The following VOPP1 variants were observed in gnomAD, a reference collection of about 807,000 sequenced individuals.
VOPP1 encodes the protein VOPP1 WW domain binding protein, also known as WW domain binding protein VOPP1.
In VOPP1, 8 loss-of-function variants were observed where a neutral mutation model predicts 23.5. That is an observed-to-expected ratio of 0.34 (90% CI 0.20 to 0.61). The LOEUF (loss-of-function observed/expected upper bound fraction) is 0.61. VOPP1 is among the 20% of genes least tolerant of loss of function. The pLI, the probability that VOPP1 is intolerant of heterozygous loss-of-function variation, is 0.78. For missense variants in VOPP1, 174 were observed against 238.1 expected, an observed-to-expected ratio of 0.73 and a Z score of 1.77; for synonymous variants, 83 against 97.3, an observed-to-expected ratio of 0.85 and a Z score of 0.86.
intron 1 of VOPP1, chr7:55,521,553 A>T (rs1432170194): frequency 1.4e-5 from 14 of 995,506 alleles, no homozygotes; most frequent in Non-Finnish European, 1.7e-5. Context: ...TATATTTCAG[A>T]ATATGCTAAA....
chr7:55,559,050 TAA>T (rs1797899605), intron 1 of VOPP1, among the ~76,000 whole-genome samples: 1 of 152,188 alleles, frequency 6.6e-6, no homozygotes, highest in Non-Finnish European at 1.5e-5. Flanking sequence ...GAGCTATATA[TAA>T]GTCACTAAGT....
intron 4 of VOPP1, among the ~76,000 whole-genome samples, chr7:55,452,589 G>A (rs1791270820): frequency 6.6e-6 from 1 of 152,316 alleles, no homozygotes; most frequent in Middle Eastern, 3.4e-3. Context: ...AATAAGACTT[G>A]AAAGTCAAAA....
intron 4 of VOPP1, among the ~76,000 whole-genome samples, chr7:55,474,219 A>G (rs1484718511): frequency 1.3e-5 from 2 of 152,214 alleles, no homozygotes; most frequent in Non-Finnish European, 2.9e-5. Context: ...GGTCCCACAG[A>G]TGCCACCTGC....
chr7:55,488,660 C>G (rs543601547), intron 4 of VOPP1, among the ~76,000 whole-genome samples: 1 of 152,264 alleles, frequency 6.6e-6, no homozygotes, highest in South Asian at 2.1e-4. Context: ...CCCCCTACAC[C>G]CCAGAATATG....
intron 4 of VOPP1, among the ~76,000 whole-genome samples, chr7:55,478,712 T>C (rs183690212): frequency 6.6e-6 from 1 of 152,336 alleles, no homozygotes; most frequent in East Asian, 1.9e-4. Context: ...GACCTCAGGG[T>C]CCCATGACAT....
chr7:55,454,898 G>C (rs992455165), intron 4 of VOPP1, among the ~76,000 whole-genome samples: 2 of 152,306 alleles, frequency 1.3e-5, no homozygotes, highest in Non-Finnish European at 1.5e-5. Flanking sequence ...ACAAGACAAG[G>C]ATGCCCTCTC....
At chr7:55,556,531 G>C (rs1180552715) in intron 1 of VOPP1, among the ~76,000 whole-genome samples, 1 of 152,084 alleles carries the variant, frequency 6.6e-6, no homozygotes, top group Non-Finnish European at 1.5e-5. Context: ...GGCCATGATG[G>C]AACCTCAAAG....
intron 1 of VOPP1, among the ~76,000 whole-genome samples, chr7:55,565,553 T>G (rs140307226): frequency 0.011 from 1,663 of 152,296 alleles, 11 homozygotes; most frequent in Middle Eastern, 0.024. Flanking sequence ...TGTTCAGACA[T>G]ATGTTGATAG....
intron 1 of VOPP1, among the ~76,000 whole-genome samples, chr7:55,554,917 G>A (rs997931370): frequency 6.6e-6 from 1 of 152,216 alleles, no homozygotes; most frequent in African/African-American, 2.4e-5. Flanking sequence ...AAGCGCAGGA[G>A]ACATCAGCAT....
At chr7:55,459,860 A>G (rs1791455293) in intron 4 of VOPP1, among the ~76,000 whole-genome samples, 1 of 149,632 alleles carries the variant, frequency 6.7e-6, no homozygotes, top group Non-Finnish European at 1.5e-5. Context: ...TTTAGTCTCT[A>G]TTTTGTTTTT....
At chr7:55,476,554 A>G (rs2129010257) in intron 4 of VOPP1, among the ~76,000 whole-genome samples, 1 of 152,242 alleles carries the variant, frequency 6.6e-6, no homozygotes, top group Admixed American at 6.5e-5. Context: ...GTGGCCCAGG[A>G]GGGACAGAGG....
At chr7:55,482,257 T>C (rs1328056265) in intron 4 of VOPP1, among the ~76,000 whole-genome samples, 2 of 152,138 alleles carry the variant, frequency 1.3e-5, no homozygotes, top group Admixed American at 1.3e-4. Flanking sequence ...TGTATAACGC[T>C]GTACATTTCC....
At chr7:55,572,226 T>C (rs375365245) in intron 1 of VOPP1, 45 bp downstream of exon 1, 12 of 1,475,912 alleles carry the variant, frequency 8.1e-6, no homozygotes, top group Non-Finnish European at 1.1e-5. Context: ...GCCGCCAGCA[T>C]GGTGGGCGCC....
chr7:55,436,135 A>C (rs1293454019), exon 5 of VOPP1: 1 of 152,308 alleles, frequency 6.6e-6, no homozygotes, highest in African/African-American at 2.4e-5. Flanking sequence ...GTGGGCATGA[A>C]GGTGAAGGTG....
chr7:55,444,162 A>G (rs1405851907), intron 4 of VOPP1, among the ~76,000 whole-genome samples: 2 of 152,098 alleles, frequency 1.3e-5, no homozygotes, highest in African/African-American at 2.4e-5. Flanking sequence ...TATCTACTGT[A>G]GTCTAGAGCT....
chr7:55,553,756 T>TACACACACAC (rs59300549), intron 1 of VOPP1: 26 of 138,508 alleles, frequency 1.9e-4, no homozygotes, highest in African/African-American at 7.4e-4. Context: ...CCCTGCACTC[T>TACACACACAC]ACACACACAC....
At chr7:55,480,052 T>C (rs536117120) in intron 4 of VOPP1, among the ~76,000 whole-genome samples, 2 of 152,234 alleles carry the variant, frequency 1.3e-5, no homozygotes. Context: ...TTTTGACACA[T>C]TGCTTAATTC....
At position 55,572,461 on chromosome 7, in the gene VOPP1, G is replaced by A. The variant is rs1053772277; in HGVS notation, c.-137C>T. On this transcript the variant is annotated 5_prime_UTR_variant, in exon 1 of 5. Coordinates refer to ENST00000285279, the MANE Select transcript of VOPP1 (RefSeq NM_030796.5). ...ACCGCTGGGGGGCCCGGCTGGGAGC[G>A]GGCGGGAGCCGGGGCGCGCCGCGCA... is the stretch of plus-strand genomic sequence containing the variant. 12 of 518,620 alleles carry A rather than the reference G, an allele frequency of 2.3e-5. No individual in the cohort carries two copies. Among genetic ancestry groups the A allele is most frequent in the Non-Finnish European group, 2.7e-5 (11 of 403,638 alleles). The allele number at this position is 518,620 out of a possible 1,614,324, so 32.1% of individuals were successfully genotyped here. A position where few individuals can be genotyped will look rare whatever the true frequency, so the allele number is the denominator to read the frequency against.
chr7:55,448,378 A>G (rs2129000951), intron 4 of VOPP1, among the ~76,000 whole-genome samples: 1 of 152,362 alleles, frequency 6.6e-6, no homozygotes, highest in South Asian at 2.1e-4. Context: ...ATGGGATAAT[A>G]ATGGGAGTGC....
Sources: gnomAD v4.1 joint callset for allele counts (sites outside exome capture counted in the v4.1 genomes callset) on GRCh38, gnomAD v4.1.1 for gene constraint, MANE v1.5 for transcripts, NCBI Gene and HGNC (gene_info 2026-07-23, HGNC 2026-07-21) for gene names.